PARD3B: variants seen among roughly 807,000 people sequenced by gnomAD.
The protein encoded by PARD3B is par-3 family cell polarity regulator beta.
Under a neutral mutation model 130.2 loss-of-function variants are expected in PARD3B, and 103 were observed. The observed-to-expected ratio is 0.79, with a 90% CI of 0.67 to 0.93. The LOEUF is 0.93. PARD3B is among the 40% of genes least tolerant of loss of function. The probability of loss-of-function intolerance (pLI) is 0.00; values close to 1 mark genes in which losing one functional copy is unlikely to be tolerated. For synonymous variants in PARD3B, 583 were observed against 553.2 expected (o/e 1.05, Z -0.76); for missense variants, 1,609 against 1,499.2 (o/e 1.07, Z -1.21).
chr2:205,534,629 C>T (rs1000403545), intron 21 of PARD3B, among the ~76,000 whole-genome samples: 4 of 152,100 alleles, frequency 2.6e-5, no homozygotes, highest in East Asian at 1.9e-4. Context: ...CAACCACACC[C>T]GGTTAATTTT....
At chr2:205,538,472 TACACAC>T (rs71410824) in intron 21 of PARD3B, among the ~76,000 whole-genome samples, 5,130 of 150,838 alleles carry the variant, frequency 0.034, 245 homozygotes, top group African/African-American at 0.11. Flanking sequence ...CACGTGTGTG[TACACAC>T]ACACACACAC....
At chr2:204,684,896 A>G (rs1392437287) in intron 1 of PARD3B, among the ~76,000 whole-genome samples, 2 of 152,214 alleles carry the variant, frequency 1.3e-5, no homozygotes, top group Non-Finnish European at 2.9e-5. Flanking sequence ...TGAAATGTCT[A>G]AAGCCTAACT....
chr2:204,969,461 G>T (rs568984930), intron 3 of PARD3B, among the ~76,000 whole-genome samples: 13 of 152,262 alleles, frequency 8.5e-5, no homozygotes, highest in African/African-American at 3.1e-4. Flanking sequence ...CCACTCAAAA[G>T]ATGTATGCAT....
intron 2 of PARD3B, among the ~76,000 whole-genome samples, chr2:204,917,579 G>C (rs567758142): frequency 4.5e-4 from 68 of 152,180 alleles, no homozygotes; most frequent in Non-Finnish European, 8.5e-4. Flanking sequence ...TTGAGAATGA[G>C]TCTAAAATTT....
At chr2:204,732,851 T>G (rs987430506) in intron 2 of PARD3B, among the ~76,000 whole-genome samples, 3 of 152,154 alleles carry the variant, frequency 2.0e-5, no homozygotes, top group African/African-American at 7.2e-5. Flanking sequence ...CCTGATTTGA[T>G]AAAAAAGAGT....
intron 18 of PARD3B, among the ~76,000 whole-genome samples, chr2:205,338,977 A>G (rs75430478): frequency 0.019 from 2,940 of 152,314 alleles, 100 homozygotes; most frequent in African/African-American, 0.066. Flanking sequence ...TAATGGTCCA[A>G]TGAAATGTAT....
chr2:204,639,209 A>G (rs2034991082), intron 1 of PARD3B, among the ~76,000 whole-genome samples: 1 of 152,212 alleles, frequency 6.6e-6, no homozygotes, highest in African/African-American at 2.4e-5. Context: ...TTATAATCCA[A>G]GTCTAATTCA....
At chr2:204,600,282 C>T (rs889464176) in intron 1 of PARD3B, among the ~76,000 whole-genome samples, 1 of 151,754 alleles carries the variant, frequency 6.6e-6, no homozygotes, top group Non-Finnish European at 1.5e-5. Context: ...GTGTTTTCTT[C>T]TGTTAGTTTC....
intron 19 of PARD3B, among the ~76,000 whole-genome samples, chr2:205,429,898 G>T (rs1387951793): frequency 6.6e-6 from 1 of 152,150 alleles, no homozygotes; most frequent in Non-Finnish European, 1.5e-5. Context: ...TTTCTTGGCT[G>T]CCAGCAATCC....
chr2:205,170,621 C>G (rs542396174), intron 11 of PARD3B, among the ~76,000 whole-genome samples: 43 of 152,234 alleles, frequency 2.8e-4, no homozygotes, highest in Non-Finnish European at 2.5e-4. Flanking sequence ...AACAGCAGCT[C>G]TCACCATGCC....
intron 20 of PARD3B, among the ~76,000 whole-genome samples, chr2:205,477,163 A>G (rs546390000): frequency 6.6e-6 from 1 of 152,186 alleles, no homozygotes; most frequent in South Asian, 2.1e-4. Flanking sequence ...TTGCACTTCA[A>G]CCTCCAGTCC....
intron 22 of PARD3B, among the ~76,000 whole-genome samples, chr2:205,556,127 C>A (rs1575349556): frequency 6.6e-6 from 1 of 152,236 alleles, no homozygotes; most frequent in South Asian, 2.1e-4. Flanking sequence ...TCGGTAGGCA[C>A]CGGATCCCTC....
intron 18 of PARD3B, among the ~76,000 whole-genome samples, chr2:205,330,769 C>T (rs2105771605): frequency 6.6e-6 from 1 of 152,280 alleles, no homozygotes; most frequent in East Asian, 1.9e-4. Flanking sequence ...AATTTATAAA[C>T]ATTTCAGCTT....
intron 3 of PARD3B, among the ~76,000 whole-genome samples, chr2:204,989,542 C>T (rs1178846291): frequency 2.0e-5 from 3 of 152,130 alleles, no homozygotes; most frequent in Admixed American, 6.6e-5. Context: ...ACTGGGCTGT[C>T]ATTATCTTTG....
At chr2:205,499,794 T>C in intron 20 of PARD3B, 102 bp from the exon 21 acceptor site, 2 of 1,253,774 alleles carry the variant, frequency 1.6e-6, no homozygotes, top group East Asian at 4.8e-5. Context: ...CATTATTGAA[T>C]CTTCCAAATT....
intron 2 of PARD3B, among the ~76,000 whole-genome samples, chr2:204,854,906 G>T (rs557163753): frequency 6.6e-6 from 1 of 152,098 alleles, no homozygotes; most frequent in African/African-American, 2.4e-5. Context: ...AGAAGAGAAA[G>T]AAAAAATAGC....
intron 15 of PARD3B, among the ~76,000 whole-genome samples, chr2:205,233,567 A>G (rs551340348): frequency 1.2e-4 from 19 of 152,310 alleles, no homozygotes; most frequent in African/African-American, 4.6e-4. Flanking sequence ...TTATATGACA[A>G]TAACAGCACA....
chr2:205,323,011 A>G (rs1378778812), intron 18 of PARD3B, among the ~76,000 whole-genome samples: 4 of 138,486 alleles, frequency 2.9e-5, no homozygotes, highest in Non-Finnish European at 6.1e-5. Context: ...CCTGGGTTCA[A>G]GTGATTCCCC....
intron 3 of PARD3B, among the ~76,000 whole-genome samples, chr2:205,041,929 A>T (rs1315725120): frequency 6.6e-6 from 1 of 152,150 alleles, no homozygotes; most frequent in Non-Finnish European, 1.5e-5. Flanking sequence ...TTATTAAATG[A>T]CGTCACCTGT....
Sources: gnomAD v4.1 joint callset for allele counts (sites outside exome capture counted in the v4.1 genomes callset) on GRCh38, gnomAD v4.1.1 for gene constraint, MANE v1.5 for transcripts, NCBI Gene and HGNC (gene_info 2026-07-23, HGNC 2026-07-21) for gene names.